TNFSF4: variants seen among roughly 807,000 people sequenced by gnomAD.
TNFSF4 encodes the protein TNF superfamily member 4.
TNFSF4 carries 4 observed loss-of-function variants against 7.3 expected under a neutral mutation model. The ratio of observed to expected loss-of-function variants is 0.55; its 90% CI spans 0.27 to 1.25. The LOEUF is 1.25. Among genes scored for constraint, TNFSF4 ranks in the 50% most tolerant of loss-of-function variants. TNFSF4 has a pLI of 0.12. For synonymous variants in TNFSF4, 76 were observed against 83.7 expected (o/e 0.91, Z 0.50); for missense variants, 181 against 208.8 (o/e 0.87, Z 0.82).
At chr1:173,423,650 T>C in the TNFSF4 span, among the ~76,000 whole-genome samples, 1 of 152,104 alleles carries the variant, frequency 6.6e-6, no homozygotes, top group Non-Finnish European at 1.5e-5. Flanking sequence ...GGTGGAAGCA[T>C]ATGGGGTAGG....
downstream of TNFSF4, among the ~76,000 whole-genome samples, chr1:173,180,177 T>C (rs541265059): frequency 9.8e-5 from 15 of 152,360 alleles, no homozygotes; most frequent in Admixed American, 3.3e-4. Flanking sequence ...ACCACCCATA[T>C]GTACCAATCC....
At chr1:173,253,989 G>A in the TNFSF4 span, among the ~76,000 whole-genome samples, 2 of 152,128 alleles carry the variant, frequency 1.3e-5, no homozygotes, top group South Asian at 4.1e-4. Context: ...TTGAATTTAG[G>A]GTTATGGTTG....
the TNFSF4 span, among the ~76,000 whole-genome samples, chr1:173,219,248 A>C: frequency 6.6e-6 from 1 of 152,170 alleles, no homozygotes; most frequent in Non-Finnish European, 1.5e-5. Context: ...CCATTGGTTA[A>C]ATTCTTTATC....
At chr1:173,429,643 G>C in the TNFSF4 span, among the ~76,000 whole-genome samples, 2 of 152,326 alleles carry the variant, frequency 1.3e-5, no homozygotes, top group East Asian at 3.9e-4. Context: ...GGTGTGAATG[G>C]CAGCACCCAG....
the TNFSF4 span, among the ~76,000 whole-genome samples, chr1:173,336,954 T>A: frequency 6.6e-6 from 1 of 152,092 alleles, no homozygotes; most frequent in African/African-American, 2.4e-5. Context: ...TTGAGGTGTG[T>A]TACTTCCACC....
At chr1:173,385,592 C>A in the TNFSF4 span, among the ~76,000 whole-genome samples, 1 of 152,206 alleles carries the variant, frequency 6.6e-6, no homozygotes, top group Non-Finnish European at 1.5e-5. Context: ...AATCCCAGCA[C>A]TTCGGGAGGC....
At chr1:173,330,301 A>C in the TNFSF4 span, among the ~76,000 whole-genome samples, 1 of 72,456 alleles carries the variant, frequency 1.4e-5, no homozygotes, top group African/African-American at 4.7e-5. Context: ...TTTAATACTA[A>C]ATATTAATTG....
rs958835169 is a variant in TNFSF4 at position 173,192,432 on chromosome 1, A to T, written c.154-3863T>A. ...ATGAAAAGACATGGAGGAATATTAAATGCATATTATTATACAAGAGAAGCC... is the reference window on the plus strand; with the variant it reads ...ATGAAAAGACATGGAGGAATATTAATTGCATATTATTATACAAGAGAAGCC... On this transcript the variant is annotated intron_variant, in intron 1 of 2. Coordinates refer to ENST00000281834, the MANE Select transcript of TNFSF4 (RefSeq NM_003326.5). Among the ~76,000 whole-genome samples, 6 of 152,346 alleles carry T rather than the reference A, an allele frequency of 3.9e-5. No homozygotes were observed. The East Asian group carries it at 1.2e-3, about 29-fold the overall frequency.
In TNFSF4 at chr1:173,184,301, A is replaced by G. The variant is rs534726008; in HGVS notation, c.*2215T>C. 2 of 152,342 alleles carry G rather than the reference A, an allele frequency of 1.3e-5. No homozygotes were observed. The highest frequency in any genetic ancestry group is 3.9e-4 in the East Asian group (2 of 5,184). The allele number at this position is 152,342 out of a possible 1,614,324, so 9.4% of individuals were successfully genotyped here. A position where few individuals can be genotyped will look rare whatever the true frequency, so the allele number is the denominator to read the frequency against. The stretch of plus-strand genomic sequence containing the variant: ...TTTCCCACAAAACTCTGCCATGTAT[A>G]TCGAAGGGTTAATTCTCCCTGTGAA... On this transcript the variant is annotated 3_prime_UTR_variant, in exon 3 of 3. Transcript: ENST00000281834.
the TNFSF4 span, among the ~76,000 whole-genome samples, chr1:173,356,848 A>G: frequency 1.3e-5 from 2 of 152,258 alleles, no homozygotes; most frequent in South Asian, 2.1e-4. Flanking sequence ...GTGTGGGGGG[A>G]AAAAATGACA....
chr1:173,234,725 A>G, the TNFSF4 span, among the ~76,000 whole-genome samples: 1 of 152,172 alleles, frequency 6.6e-6, no homozygotes, highest in African/African-American at 2.4e-5. Context: ...GTTCTCACTC[A>G]TAGGTGGGAA....
At chr1:173,363,118 CTCTT>C in the TNFSF4 span, 1 of 341,814 alleles carries the variant, frequency 2.9e-6, no homozygotes, top group Non-Finnish European at 5.8e-6. Context: ...TTGCTACCAA[CTCTT>C]ACATTTTTCT....
chr1:173,333,077 T>C, the TNFSF4 span, among the ~76,000 whole-genome samples: 1 of 152,034 alleles, frequency 6.6e-6, no homozygotes, highest in Admixed American at 6.6e-5. Flanking sequence ...GATAAAGACA[T>C]GGATCAGAAG....
the TNFSF4 span, among the ~76,000 whole-genome samples, chr1:173,286,006 A>C: frequency 5.2e-4 from 79 of 152,304 alleles, 1 homozygote; most frequent in African/African-American, 1.8e-3. Context: ...AGACACAGAA[A>C]AGTTAAAATA....
At chr1:173,410,807 C>G in the TNFSF4 span, among the ~76,000 whole-genome samples, 1 of 152,222 alleles carries the variant, frequency 6.6e-6, no homozygotes, top group South Asian at 2.1e-4. Flanking sequence ...TTGGACTGAA[C>G]TTTGGCCTAG....
the TNFSF4 span, among the ~76,000 whole-genome samples, chr1:173,420,761 T>C: frequency 1.2e-3 from 176 of 152,358 alleles, no homozygotes; most frequent in Non-Finnish European, 1.9e-3. Flanking sequence ...GTTAATTATG[T>C]AATTACATAA....
At chr1:173,179,151 G>A (rs1005718546), downstream of TNFSF4, among the ~76,000 whole-genome samples, 5 of 152,104 alleles carry the variant, frequency 3.3e-5, no homozygotes, top group East Asian at 1.9e-4. Context: ...AAGCCACTTC[G>A]TTCGTGGTAA....
the TNFSF4 span, among the ~76,000 whole-genome samples, chr1:173,369,115 CAAAA>C: frequency 6.6e-6 from 1 of 152,098 alleles, no homozygotes; most frequent in African/African-American, 2.4e-5. Context: ...TTATAGACTC[CAAAA>C]TTGGGGGGGA....
chr1:173,428,335 G>GA, the TNFSF4 span, among the ~76,000 whole-genome samples: 4 of 152,122 alleles, frequency 2.6e-5, no homozygotes, highest in Non-Finnish European at 5.9e-5. Flanking sequence ...TAATTTACAA[G>GA]AAACAGAAAA....
Sources: gnomAD v4.1 joint callset for allele counts (sites outside exome capture counted in the v4.1 genomes callset) on GRCh38, gnomAD v4.1.1 for gene constraint, MANE v1.5 for transcripts, NCBI Gene and HGNC (gene_info 2026-07-23, HGNC 2026-07-21) for gene names.